AGBL4: variants seen among roughly 807,000 people sequenced by gnomAD.
AGBL4 encodes cytosolic carboxypeptidase 6.
AGBL4 carries 58 observed loss-of-function variants against 66.4 expected under a neutral mutation model. That is an observed-to-expected ratio of 0.87 (90% CI 0.71 to 1.09). The LOEUF is 1.09. Ranked by LOEUF, AGBL4 falls within the 50% of genes least tolerant of loss-of-function variation. The pLI, the probability that AGBL4 is intolerant of heterozygous loss-of-function variation, is 0.00. For missense variants in AGBL4, 579 were observed against 631.0 expected, an observed-to-expected ratio of 0.92 and a Z score of 0.88; for synonymous variants, 234 against 222.9, an observed-to-expected ratio of 1.05 and a Z score of -0.44.
At chr1:49,784,483 T>C (rs1018147889) in intron 2 of AGBL4, among the ~76,000 whole-genome samples, 3 of 152,016 alleles carry the variant, frequency 2.0e-5, no homozygotes, top group African/African-American at 4.8e-5. Context: ...GTTAGACCCC[T>C]TTCTCAAACC....
rs1223755634 is a variant in AGBL4, at chr1:49,556,015, T to C, written c.282+141298A>G. 2.6e-5 allele frequency among the ~76,000 whole-genome samples: 4 copies of C among 152,252 alleles called. No homozygotes were observed. The South Asian group carries it at 8.3e-4, about 32-fold the overall frequency. On this transcript the variant is annotated intron_variant, in intron 3 of 13. Transcript: ENST00000371839. ...AACTAGAAATACCATTTGACTCAAC[T>C]ATCCCATTACTGGGTATATACCCAA...
chr1:49,803,308 T>C (rs758460990), intron 2 of AGBL4, among the ~76,000 whole-genome samples: 4 of 152,120 alleles, frequency 2.6e-5, no homozygotes, highest in Non-Finnish European at 2.9e-5. Flanking sequence ...ATCATTAGCC[T>C]AGTCATATAA....
chr1:48,587,082 A>G lies in AGBL4; in HGVS notation c.1189T>C (p.Cys397Arg). 6.2e-7 allele frequency: 1 copy of G among 1,600,488 alleles called. No individual in the cohort carries two copies. The highest frequency in any genetic ancestry group is 8.5e-7 in the Non-Finnish European group (1 of 1,173,800). The change falls in exon 11 of 14, where the codon TGC (cysteine) becomes CGC (arginine). Residue 397 changes from cysteine to arginine, a missense_variant. Coordinates refer to ENST00000371839, the MANE Select transcript of AGBL4 (RefSeq NM_032785.4). ...LGGLLDHTSY[C>R]YTLEVSFYSY... is the part of the protein sequence containing the mutation. ...TAGAAGGAGACCTCTAGGGTGTAGCAATAGGAAGTGTGGTCCAGGAGTCCA... is the reference window on the plus strand; with the variant it reads ...TAGAAGGAGACCTCTAGGGTGTAGCGATAGGAAGTGTGGTCCAGGAGTCCA...
At chr1:48,545,288 T>C (rs1644140459) in intron 11 of AGBL4, among the ~76,000 whole-genome samples, 1 of 152,108 alleles carries the variant, frequency 6.6e-6, no homozygotes, top group South Asian at 2.1e-4. Flanking sequence ...AAAGCCAGTG[T>C]TTTAAAAATG....
At chr1:50,016,610 G>A (rs1447581294) in intron 1 of AGBL4, among the ~76,000 whole-genome samples, 4 of 152,072 alleles carry the variant, frequency 2.6e-5, no homozygotes, top group East Asian at 1.9e-4. Flanking sequence ...GAGATGAACA[G>A]GCAGTTCTCA....
chr1:49,331,816 T>TTTAA (rs1645340351), intron 3 of AGBL4, among the ~76,000 whole-genome samples: 2 of 152,138 alleles, frequency 1.3e-5, no homozygotes, highest in African/African-American at 4.8e-5. Flanking sequence ...ATGGCCAGAC[T>TTTAA]GCTTCTTTAA....
At chr1:49,400,850 CT>C (rs930694083) in intron 3 of AGBL4, among the ~76,000 whole-genome samples, 19 of 152,156 alleles carry the variant, frequency 1.2e-4, no homozygotes, top group African/African-American at 4.3e-4. Flanking sequence ...CCCTTTATTT[CT>C]TTCTTTTGTC....
intron 1 of AGBL4, among the ~76,000 whole-genome samples, chr1:49,857,463 C>T (rs1015267437): frequency 2.6e-5 from 4 of 152,082 alleles, no homozygotes; most frequent in African/African-American, 9.7e-5. Flanking sequence ...CACTACCATA[C>T]TTCATATGCC....
intron 3 of AGBL4, among the ~76,000 whole-genome samples, chr1:49,572,641 G>C (rs1005339771): frequency 6.6e-6 from 1 of 152,098 alleles, no homozygotes; most frequent in Admixed American, 6.6e-5. Flanking sequence ...TTTGCATAGA[G>C]CTATTTATAG....
chr1:48,818,594 T>C (rs1397223813), intron 6 of AGBL4, among the ~76,000 whole-genome samples: 1 of 152,218 alleles, frequency 6.6e-6, no homozygotes, highest in Non-Finnish European at 1.5e-5. Context: ...ACTTAAACGT[T>C]CAACCAAACA....
At chr1:49,211,896 C>G (rs943163413) in intron 4 of AGBL4, among the ~76,000 whole-genome samples, 1 of 152,006 alleles carries the variant, frequency 6.6e-6, no homozygotes, top group Non-Finnish European at 1.5e-5. Context: ...TCATCACCAC[C>G]CTGGCAGCTA....
At chr1:49,658,309 T>TA (rs1646192285) in intron 3 of AGBL4, among the ~76,000 whole-genome samples, 1 of 152,208 alleles carries the variant, frequency 6.6e-6, no homozygotes, top group Non-Finnish European at 1.5e-5. Flanking sequence ...CACAATGAGA[T>TA]ATCATCTCAC....
chr1:49,579,386 G>C (rs556940744), intron 3 of AGBL4, among the ~76,000 whole-genome samples: 10 of 152,046 alleles, frequency 6.6e-5, no homozygotes, highest in African/African-American at 2.4e-4. Flanking sequence ...CAGATACTTG[G>C]TATGATTTTT....
intron 5 of AGBL4, among the ~76,000 whole-genome samples, chr1:49,033,184 AT>A (rs1251905002): frequency 6.6e-6 from 1 of 152,082 alleles, no homozygotes; most frequent in Non-Finnish European, 1.5e-5. Context: ...AACAAAAATT[AT>A]GCCAAGAGAA....
intron 6 of AGBL4, among the ~76,000 whole-genome samples, chr1:48,673,609 T>C (rs1161263235): frequency 1.3e-5 from 2 of 152,158 alleles, no homozygotes; most frequent in Admixed American, 6.5e-5. Flanking sequence ...CAACATGACA[T>C]CTTCAGAGGA....
chr1:49,218,029 G>C (rs956307647), intron 4 of AGBL4, among the ~76,000 whole-genome samples: 1 of 152,060 alleles, frequency 6.6e-6, no homozygotes, highest in Non-Finnish European at 1.5e-5. Flanking sequence ...ATGTCAAACT[G>C]TATCTATAAT....
chr1:49,332,773 T>C (rs761776993), intron 3 of AGBL4, among the ~76,000 whole-genome samples: 23 of 152,350 alleles, frequency 1.5e-4, no homozygotes, highest in Admixed American at 1.0e-3. Context: ...TATACATACG[T>C]ACCTGAAAAA....
At chr1:49,186,935 T>C (rs1209649602) in intron 4 of AGBL4, among the ~76,000 whole-genome samples, 1 of 152,144 alleles carries the variant, frequency 6.6e-6, no homozygotes, top group Non-Finnish European at 1.5e-5. Flanking sequence ...ATTAAAACTA[T>C]GTCATCTACA....
chr1:49,846,334 G>C, intron 2 of AGBL4: 4 of 1,531,316 alleles, frequency 2.6e-6, no homozygotes, highest in Non-Finnish European at 3.6e-6. Context: ...ATGCATGCAG[G>C]GACTATGGAA....
Sources: allele counts gnomAD v4.1 joint callset (sites outside exome capture counted in the v4.1 genomes callset), GRCh38; gene constraint gnomAD v4.1.1; transcripts MANE v1.5; gene names NCBI Gene and HGNC (gene_info 2026-07-23, HGNC 2026-07-21).